Variants in RANBP10 observed in about 807,000 individuals in gnomAD.
RANBP10 encodes RAN binding protein 10, also known as ran-binding protein 10.
Under a neutral mutation model 72.8 loss-of-function variants are expected in RANBP10, and 24 were observed. The ratio of observed to expected loss-of-function variants is 0.33; its 90% CI spans 0.24 to 0.46. The LOEUF is 0.46. RANBP10 is among the 20% of genes least tolerant of loss of function. The pLI is 1.00. For synonymous variants in RANBP10, 310 were observed against 322.3 expected, an observed-to-expected ratio of 0.96 and a Z score of 0.41; for missense variants, 679 against 817.5, an observed-to-expected ratio of 0.83 and a Z score of 2.07.
chr16:67,763,399 A>G (rs1421484542), intron 3 of RANBP10: 2 of 152,256 alleles, frequency 1.3e-5, no homozygotes, highest in Non-Finnish European at 2.9e-5. Flanking sequence ...TGGGGAACAC[A>G]CGAGGATCCG....
chr16:67,756,250 G>A (rs1409150235), intron 3 of RANBP10, among the ~76,000 whole-genome samples: 2 of 152,234 alleles, frequency 1.3e-5, no homozygotes, highest in Non-Finnish European at 2.9e-5. Context: ...CAGATCCAAG[G>A]CCTCAGTCCC....
intron 4 of RANBP10, 53 bp downstream of exon 4, chr16:67,744,235 C>T: frequency 6.3e-7 from 1 of 1,578,426 alleles, no homozygotes; most frequent in South Asian, 1.1e-5. Flanking sequence ...GAGCCTCTCA[C>T]CAACCAAAGT....
At chr16:67,734,025 C>T (rs1367343867) in intron 6 of RANBP10, among the ~76,000 whole-genome samples, 1 of 152,178 alleles carries the variant, frequency 6.6e-6, no homozygotes, top group Non-Finnish European at 1.5e-5. Flanking sequence ...TGCTGTTTTT[C>T]CTGGGGAAGG....
chr16:67,771,885 C>T lies in RANBP10; in HGVS notation c.400+149G>A. On this transcript the variant is annotated intron_variant, in intron 3 of 13. Coordinates refer to ENST00000317506, the MANE Select transcript of RANBP10 (RefSeq NM_020850.3). Reference sequence around the variant, plus strand: ...AATGCACACCATCCTGGCCCAAGGGCTACCTTTCAGGATCCTCCAACCAGT... The same window carrying T: ...AATGCACACCATCCTGGCCCAAGGGTTACCTTTCAGGATCCTCCAACCAGT... 5.8e-6 allele frequency: 5 copies of T among 865,618 alleles called. No individual in the cohort carries two copies. In the South Asian group the frequency reaches 9.0e-5, roughly 16 times the overall value. 53.6% of individuals were successfully genotyped at this position (865,618 alleles called of 1,614,324 possible).
intron 3 of RANBP10, among the ~76,000 whole-genome samples, chr16:67,764,671 G>A (rs1036092083): frequency 6.6e-6 from 1 of 152,120 alleles, no homozygotes; most frequent in African/African-American, 2.4e-5. Flanking sequence ...CCAGCATGGG[G>A]GACAGAGTGA....
chr16:67,794,933 AAAAAAAAAAAAAC>A lies in RANBP10; in HGVS notation c.347+10482_347+10494del, dbSNP rs563647986. 3.6e-3 allele frequency among the ~76,000 whole-genome samples: 537 copies of A among 148,908 alleles called. 1 individual carries two copies. The highest frequency in any genetic ancestry group is 0.017 in the Middle Eastern group (5 of 286). Reference sequence around the variant, plus strand: ...AGAGTGAGACCCTGCCTCAAATTAAAAAAAAAAAAAAACAAAAAAAAAAAACAGCAACAAAAAA... The same window carrying A: ...AGAGTGAGACCCTGCCTCAAATTAAAAAAAAAAAAAAACAGCAACAAAAAA... On this transcript the variant is annotated intron_variant, in intron 2 of 13. Coordinates refer to ENST00000317506, the MANE Select transcript of RANBP10 (RefSeq NM_020850.3).
chr16:67,740,868 T>A (rs921497917), intron 4 of RANBP10, among the ~76,000 whole-genome samples: 1 of 152,214 alleles, frequency 6.6e-6, no homozygotes, highest in Admixed American at 6.5e-5. Flanking sequence ...GACTCTGGCA[T>A]GCTGGCAGGA....
At chr16:67,777,581 A>G (rs2054730152) in intron 2 of RANBP10, among the ~76,000 whole-genome samples, 1 of 152,168 alleles carries the variant, frequency 6.6e-6, no homozygotes. Flanking sequence ...CAAGGAGGCT[A>G]AAGACACTAA....
chr16:67,727,787 C>T lies in RANBP10; in HGVS notation c.1584G>A (p.Glu528=). 2 of 1,614,212 alleles carry T rather than the reference C, an allele frequency of 1.2e-6. No homozygotes were observed. Among genetic ancestry groups the T allele is most frequent in the East Asian group, 4.5e-5 (2 of 44,882 alleles). ...LQALSEQLGR[E]YGKNLAHTEM... is the part of the protein sequence containing the mutation. The stretch of plus-strand genomic sequence containing the variant: ...CTGTGTGGGCCAAATTCTTGCCGTA[C>T]TCCCGGCCCAACTGCTCACTCAATG... The change falls in exon 12 of 14, where the codon GAG becomes GAA. Residue 528 remains glutamate (E), a synonymous_variant. Transcript: ENST00000317506.
At chr16:67,778,387 C>T (rs752090491) in intron 2 of RANBP10, among the ~76,000 whole-genome samples, 5 of 151,934 alleles carry the variant, frequency 3.3e-5, no homozygotes, top group Admixed American at 3.3e-4. Flanking sequence ...TTATATTACA[C>T]CATATATAAA....
In RANBP10 at chr16:67,727,767, T is replaced by C. The variant is rs2053635982; in HGVS notation, c.1604A>G (p.His535Arg). The C allele has an allele frequency of 1.2e-6, 2 of 1,614,078 alleles. No homozygotes were observed. Reference protein sequence around the residue: ...LGREYGKNLAHTEMLQDAFSL... With the variant: ...LGREYGKNLARTEMLQDAFSL... ...ATCCTGTACCTGCAGCATCTCTGTG[T>C]GGGCCAAATTCTTGCCGTACTCCCG... The change falls in exon 12 of 14, where the codon CAC becomes CGC. Residue 535 changes from histidine to arginine, a missense_variant. Coordinates refer to ENST00000317506, the MANE Select transcript of RANBP10 (RefSeq NM_020850.3).
intron 2 of RANBP10, among the ~76,000 whole-genome samples, chr16:67,780,568 C>T (rs886949161): frequency 6.6e-6 from 1 of 152,074 alleles, no homozygotes; most frequent in Non-Finnish European, 1.5e-5. Context: ...GACAACATAA[C>T]AAGACCACCT....
rs1567699175 is a variant in RANBP10 at position 67,769,462 on chromosome 16, A to AAAAAAAAAAAC, written c.400+2571_400+2572insGTTTTTTTTTT. 1.5e-5 allele frequency among the ~76,000 whole-genome samples: 2 copies of AAAAAAAAAAAC among 136,798 alleles called. 1 individual carries two copies. The highest frequency in any genetic ancestry group is 3.2e-5 in the Non-Finnish European group (2 of 63,376). 89.7% of individuals were successfully genotyped at this position (136,798 alleles called of 152,430 possible). A position where few individuals can be genotyped will look rare whatever the true frequency, so the allele number is the denominator to read the frequency against. ...CTGTCTCAAAAAAAAAAAAAAAAAA[A>AAAAAAAAAAAC]GTGCTGGGCGCAGTGGCTCACGCCT... On this transcript the variant is annotated intron_variant, in intron 3 of 13. Coordinates refer to ENST00000317506, the MANE Select transcript of RANBP10 (RefSeq NM_020850.3).
intron 2 of RANBP10, among the ~76,000 whole-genome samples, chr16:67,794,936 A>C (rs1278106882): frequency 6.7e-6 from 1 of 149,022 alleles, no homozygotes; most frequent in Non-Finnish European, 1.5e-5. Context: ...AAATTAAAAA[A>C]AAAAAAAAAC....
intron 2 of RANBP10, among the ~76,000 whole-genome samples, chr16:67,792,660 A>G (rs552822248): frequency 1.3e-5 from 2 of 151,188 alleles, no homozygotes; most frequent in Admixed American, 6.6e-5. Context: ...GTACGCACCT[A>G]TAGTCCCAGC....
intron 2 of RANBP10, among the ~76,000 whole-genome samples, chr16:67,800,587 C>T (rs2055218745): frequency 6.6e-6 from 1 of 152,178 alleles, no homozygotes; most frequent in Non-Finnish European, 1.5e-5. Flanking sequence ...GAAAGACAGA[C>T]CTGGATGCCC....
intron 3 of RANBP10, among the ~76,000 whole-genome samples, chr16:67,757,003 G>A (rs903927278): frequency 3.9e-5 from 6 of 152,096 alleles, no homozygotes; most frequent in Non-Finnish European, 8.8e-5. Context: ...TCGGGAGTTC[G>A]AGACCACCCT....
intron 2 of RANBP10, among the ~76,000 whole-genome samples, chr16:67,783,446 C>T (rs1378084228): frequency 6.6e-6 from 1 of 152,182 alleles, no homozygotes; most frequent in African/African-American, 2.4e-5. Flanking sequence ...CTCCTGCCTC[C>T]TGAAGAGTTC....
chr16:67,771,989 T>C, intron 3 of RANBP10, 45 bp downstream of exon 3: 1 of 1,583,704 alleles, frequency 6.3e-7, no homozygotes, highest in South Asian at 1.2e-5. Flanking sequence ...CAACCCCAAT[T>C]GGATCAGGAG....
Sources: allele counts gnomAD v4.1 joint callset (sites outside exome capture counted in the v4.1 genomes callset), GRCh38; gene constraint gnomAD v4.1.1; transcripts MANE v1.5; gene names NCBI Gene and HGNC (gene_info 2026-07-23, HGNC 2026-07-21).